AOAH: variants seen among roughly 807,000 people sequenced by gnomAD.
AOAH encodes the protein acyloxyacyl hydrolase (neutrophil).
A neutral mutation model predicts 92.2 loss-of-function variants in AOAH; 64 were observed. The ratio of observed to expected loss-of-function variants is 0.69; its 90% CI spans 0.57 to 0.86. The LOEUF (loss-of-function observed/expected upper bound fraction) is 0.86, where lower values mean the gene tolerates loss of function less well. AOAH is among the 40% of genes least tolerant of loss of function. The probability of loss-of-function intolerance (pLI) is 0.00; values close to 1 mark genes in which losing one functional copy is unlikely to be tolerated. For missense variants in AOAH, 656 were observed against 694.6 expected (o/e 0.94, Z 0.62); for synonymous variants, 263 against 254.5 (o/e 1.03, Z -0.32).
At chr7:36,684,717 G>C (rs991989172) in intron 2 of AOAH, among the ~76,000 whole-genome samples, 4 of 151,684 alleles carry the variant, frequency 2.6e-5, no homozygotes, top group African/African-American at 7.3e-5. Context: ...CTAGGAGTTA[G>C]AGACCAGCCT....
chr7:36,714,611 T>C (rs901221484), intron 1 of AOAH, among the ~76,000 whole-genome samples: 18 of 152,238 alleles, frequency 1.2e-4, no homozygotes, highest in African/African-American at 4.3e-4. Context: ...CAGCCTCACA[T>C]CAAAAAGCTT....
intron 13 of AOAH, among the ~76,000 whole-genome samples, chr7:36,555,691 A>G (rs1051980557): frequency 6.6e-6 from 1 of 152,128 alleles, no homozygotes; most frequent in Non-Finnish European, 1.5e-5. Flanking sequence ...CAGAGATTCA[A>G]CTTCTTCCTG....
chr7:36,630,259 C>T (rs903885564), intron 6 of AOAH, among the ~76,000 whole-genome samples: 2 of 152,176 alleles, frequency 1.3e-5, no homozygotes, highest in Admixed American at 1.3e-4. Flanking sequence ...GTTTTGTAAC[C>T]GCAGACATAG....
chr7:36,563,147 CAAAAAAAAAAAAAA>C (rs60240330), intron 13 of AOAH, among the ~76,000 whole-genome samples: 597 of 36,062 alleles, frequency 0.017, 18 homozygotes, highest in Admixed American at 0.022. Flanking sequence ...AACTCCGTCT[CAAAAAAAAAAAAAA>C]AAAAAAAAAA....
At chr7:36,693,186 T>C (rs1400779802) in intron 1 of AOAH, among the ~76,000 whole-genome samples, 1 of 152,210 alleles carries the variant, frequency 6.6e-6, no homozygotes, top group South Asian at 2.1e-4. Flanking sequence ...TGTTTTGCTC[T>C]GTATCTTCTA....
rs1203091469 is a variant in AOAH at position 36,517,278 on chromosome 7, T to TGTCTCTC, written c.1600-3899_1600-3898insGAGAGAC. Among the ~76,000 whole-genome samples, 9 of 148,646 alleles carry TGTCTCTC rather than the reference T, an allele frequency of 6.1e-5. 1 individual carries two copies. Among genetic ancestry groups the TGTCTCTC allele is most frequent in the Non-Finnish European group, 8.9e-5 (6 of 67,252 alleles). ...TGTGTCTCTCTCTTTCTTTCTTTCT[T>TGTCTCTC]TCTTTCTTTCTTTCTTTCCTTTCTT... is the stretch of plus-strand genomic sequence containing the variant. On this transcript the variant is annotated intron_variant, in intron 20 of 20. Coordinates refer to ENST00000617537, the MANE Select transcript of AOAH (RefSeq NM_001637.4).
chr7:36,563,508 A>G (rs1562572719), intron 13 of AOAH, among the ~76,000 whole-genome samples: 1 of 152,172 alleles, frequency 6.6e-6, no homozygotes, highest in Admixed American at 6.5e-5. Flanking sequence ...TTTAATTTCC[A>G]GAGTGCTCCA....
intron 10 of AOAH, among the ~76,000 whole-genome samples, chr7:36,616,921 T>A (rs1005994166): frequency 1.3e-5 from 2 of 152,204 alleles, no homozygotes; most frequent in Admixed American, 6.5e-5. Context: ...CTTTAATCCA[T>A]ACAGGCAAAA....
rs1410510167 is a variant in AOAH, at chr7:36,632,090, C to T, written c.467G>A (p.Gly156Asp). The T allele has an allele frequency of 3.1e-6, 5 of 1,611,984 alleles. No individual in the cohort carries two copies. The highest frequency in any genetic ancestry group is 3.4e-6 in the Non-Finnish European group (4 of 1,179,222). ...AACCGGGAGTGAACAAATGTCAGAA[C>T]CACTTCTAGAATATTTCTGGGGAGA... ...KSPILKYSRS[G>D]SDICSLPVLA... The change falls in exon 6 of 21, where the codon GGT becomes GAT. Residue 156 changes from glycine to aspartate, a missense_variant. Gly to Asp is a moderately conservative substitution (Grantham distance 94). Coordinates refer to ENST00000617537, the MANE Select transcript of AOAH (RefSeq NM_001637.4).
At chr7:36,573,924 A>C (rs1788316049) in intron 13 of AOAH, among the ~76,000 whole-genome samples, 1 of 152,150 alleles carries the variant, frequency 6.6e-6, no homozygotes, top group South Asian at 2.1e-4. Context: ...CTGAAAAATC[A>C]GTGTAGCCCC....
chr7:36,573,236 C>T (rs1420999326), intron 13 of AOAH, among the ~76,000 whole-genome samples: 1 of 152,138 alleles, frequency 6.6e-6, no homozygotes, highest in East Asian at 1.9e-4. Flanking sequence ...GTTCTTGGGT[C>T]CTTCCCTCTT....
intron 1 of AOAH, among the ~76,000 whole-genome samples, chr7:36,702,976 A>T (rs1798122115): frequency 6.6e-6 from 1 of 152,186 alleles, no homozygotes; most frequent in Non-Finnish European, 1.5e-5. Flanking sequence ...GAAACATTCT[A>T]AATCCTTTGT....
chr7:36,522,589 C>A (rs929363180), intron 19 of AOAH, among the ~76,000 whole-genome samples: 1 of 152,148 alleles, frequency 6.6e-6, no homozygotes, highest in African/African-American at 2.4e-5. Flanking sequence ...ATTATCTCAT[C>A]GCCACATTTG....
intron 20 of AOAH, among the ~76,000 whole-genome samples, chr7:36,521,347 C>T (rs1332524533): frequency 6.6e-6 from 1 of 152,202 alleles, no homozygotes; most frequent in Non-Finnish European, 1.5e-5. Flanking sequence ...TCTTCTTCTT[C>T]TTAATAAAGA....
rs534779193 is a variant in AOAH, at chr7:36,715,968, G to C, written c.127+8054C>G. Among the ~76,000 whole-genome samples, 14 of 152,202 alleles carry C rather than the reference G, an allele frequency of 9.2e-5. No individual in the cohort carries two copies. The South Asian group carries it at 2.7e-3, about 29-fold the overall frequency. ...AGCAATGGCAACAAAAGCCAGAATT[G>C]ACAAATGGGATCTAATTAAACTAAA... On this transcript the variant is annotated intron_variant, in intron 1 of 20. Transcript: ENST00000617537.
intron 15 of AOAH, among the ~76,000 whole-genome samples, chr7:36,541,034 G>C (rs368663281): frequency 1.3e-5 from 2 of 152,338 alleles, no homozygotes; most frequent in Non-Finnish European, 2.9e-5. Flanking sequence ...TTGACACTTC[G>C]AGGTCTATAA....
At chr7:36,718,906 C>T (rs1053099531) in intron 1 of AOAH, among the ~76,000 whole-genome samples, 11 of 152,160 alleles carry the variant, frequency 7.2e-5, no homozygotes, top group Admixed American at 2.0e-4. Flanking sequence ...GCCACTTTTA[C>T]ACTTTAAAAG....
chr7:36,664,678 G>T (rs567437016), intron 3 of AOAH, among the ~76,000 whole-genome samples: 1 of 152,210 alleles, frequency 6.6e-6, no homozygotes, highest in African/African-American at 2.4e-5. Context: ...GATTGATATT[G>T]CATTGAATCT....
intron 5 of AOAH, among the ~76,000 whole-genome samples, chr7:36,632,715 G>C (rs957249475): frequency 2.0e-5 from 3 of 152,206 alleles, no homozygotes; most frequent in African/African-American, 7.2e-5. Context: ...AGAAAGAGAA[G>C]AAGACAATAG....
Sources: gnomAD v4.1 joint callset for allele counts (sites outside exome capture counted in the v4.1 genomes callset) on GRCh38, gnomAD v4.1.1 for gene constraint, MANE v1.5 for transcripts, NCBI Gene and HGNC (gene_info 2026-07-23, HGNC 2026-07-21) for gene names.